Variants in MAN2A1 observed in about 807,000 individuals in gnomAD.
MAN2A1 encodes the protein alpha-mannosidase 2.
Under a neutral mutation model 142.6 loss-of-function variants are expected in MAN2A1, and 76 were observed. The ratio of observed to expected loss-of-function variants is 0.53; its 90% CI spans 0.44 to 0.65. MAN2A1 has a LOEUF of 0.65. Among genes scored for constraint, MAN2A1 ranks in the 30% least tolerant of loss-of-function variants. The pLI is 0.00. For missense variants in MAN2A1, 1,311 were observed against 1,365.1 expected, an observed-to-expected ratio of 0.96 and a Z score of 0.62; for synonymous variants, 559 against 473.2, an observed-to-expected ratio of 1.18 and a Z score of -2.35.
At chr5:109,848,694 CCTCT>C (rs915721701) in intron 19 of MAN2A1, among the ~76,000 whole-genome samples, 2 of 152,100 alleles carry the variant, frequency 1.3e-5, no homozygotes, top group African/African-American at 4.8e-5. Context: ...TCATTCTCTC[CCTCT>C]CTCTTTCTCC....
At chr5:109,738,796 A>T (rs1752182582) in intron 4 of MAN2A1, among the ~76,000 whole-genome samples, 1 of 152,062 alleles carries the variant, frequency 6.6e-6, no homozygotes, top group African/African-American at 2.4e-5. Context: ...CCTGGATACC[A>T]TATGTAATTT....
In MAN2A1 at chr5:109,849,271, G is replaced by T. The variant is rs540266037; in HGVS notation, c.2976+1481G>T. 1.3e-4 allele frequency among the ~76,000 whole-genome samples: 20 copies of T among 152,250 alleles called. No individual in the cohort carries two copies. The East Asian group carries it at 3.9e-3, about 29-fold the overall frequency. On this transcript the variant is annotated intron_variant, in intron 19 of 21. Transcript: ENST00000261483. ...TTTGTTTGCATCTTCCACACAGGTA[G>T]AAGCCACTAATACATATCTCCAACT...
intron 3 of MAN2A1, among the ~76,000 whole-genome samples, chr5:109,719,414 A>G (rs566947306): frequency 6.6e-6 from 1 of 152,230 alleles, no homozygotes; most frequent in African/African-American, 2.4e-5. Context: ...TCTGTGAAAA[A>G]CTGAATTATT....
In MAN2A1 at chr5:109,822,188, A is replaced by T. The variant is rs575443342; in HGVS notation, c.2452-1535A>T. 4.7e-4 allele frequency among the ~76,000 whole-genome samples: 66 copies of T among 141,772 alleles called. No homozygotes were observed. In the South Asian group the frequency reaches 0.013, roughly 28 times the overall value. The allele number at this position is 141,772 out of a possible 152,430, so 93.0% of individuals were successfully genotyped here. ...GGGTTTTTCTTTTTTTTTTTTTTTAAGTCAGTGAAGAATTAAAGACAAACT... is the reference window on the plus strand; with the variant it reads ...GGGTTTTTCTTTTTTTTTTTTTTTATGTCAGTGAAGAATTAAAGACAAACT... On this transcript the variant is annotated intron_variant, in intron 15 of 21. Transcript: ENST00000261483.
intron 9 of MAN2A1, 34 bp from the exon 10 acceptor site, chr5:109,784,710 T>C (rs1753551205): frequency 6.7e-7 from 1 of 1,498,068 alleles, no homozygotes; most frequent in Middle Eastern, 1.8e-4. Flanking sequence ...AAAGTGTTTG[T>C]TTTAAAATAA....
At chr5:109,775,504 T>G (rs1397493319) in intron 8 of MAN2A1, among the ~76,000 whole-genome samples, 1 of 151,656 alleles carries the variant, frequency 6.6e-6, no homozygotes, top group Non-Finnish European at 1.5e-5. Context: ...ATGGAAAATT[T>G]AAAATGTACT....
intron 3 of MAN2A1, among the ~76,000 whole-genome samples, chr5:109,723,921 A>AT (rs1312140673): frequency 1.3e-5 from 2 of 151,912 alleles, no homozygotes; most frequent in African/African-American, 2.4e-5. Context: ...TTTTATTCAT[A>AT]TTTTCACTGT....
At chr5:109,735,778 T>C (rs896650133) in intron 4 of MAN2A1, among the ~76,000 whole-genome samples, 3 of 152,102 alleles carry the variant, frequency 2.0e-5, no homozygotes, top group Non-Finnish European at 2.9e-5. Flanking sequence ...AAATTCTTCG[T>C]ACTCCATCAA....
At chr5:109,779,052 C>T (rs1399271751) in intron 8 of MAN2A1, among the ~76,000 whole-genome samples, 1 of 151,962 alleles carries the variant, frequency 6.6e-6, no homozygotes, top group Non-Finnish European at 1.5e-5. Flanking sequence ...TTTGGTTATT[C>T]TTAAAGGTGT....
At chr5:109,714,287 A>G (rs1751392359) in intron 2 of MAN2A1, among the ~76,000 whole-genome samples, 4 of 152,108 alleles carry the variant, frequency 2.6e-5, no homozygotes, top group African/African-American at 7.2e-5. Context: ...AGCACTTGAA[A>G]TGTGACTAAT....
chr5:109,801,640 C>T (rs1304218759), intron 12 of MAN2A1, among the ~76,000 whole-genome samples: 1 of 152,114 alleles, frequency 6.6e-6, no homozygotes, highest in Non-Finnish European at 1.5e-5. Context: ...AGCTACTCTT[C>T]CTTGCCCACT....
chr5:109,798,848 AT>A (rs757916039), intron 12 of MAN2A1, among the ~76,000 whole-genome samples: 2 of 151,580 alleles, frequency 1.3e-5, no homozygotes, highest in Admixed American at 1.3e-4. Flanking sequence ...CACTGGGCCA[AT>A]TTTTTTTGTT....
chr5:109,857,302 TTC>T (rs1437846732), intron 20 of MAN2A1, among the ~76,000 whole-genome samples: 1 of 152,130 alleles, frequency 6.6e-6, no homozygotes, highest in Non-Finnish European at 1.5e-5. Context: ...TAGATGTTTT[TTC>T]TAGGATTCTG....
chr5:109,835,159 C>G (rs1755025591), intron 16 of MAN2A1, among the ~76,000 whole-genome samples: 1 of 152,110 alleles, frequency 6.6e-6, no homozygotes, highest in South Asian at 2.1e-4. Flanking sequence ...AAAAACATCA[C>G]TAAAGTAAGT....
At chr5:109,852,198 C>T (rs1444509923) in intron 19 of MAN2A1, among the ~76,000 whole-genome samples, 1 of 151,080 alleles carries the variant, frequency 6.6e-6, no homozygotes, top group African/African-American at 2.4e-5. Context: ...GTGTGATCTA[C>T]AAATCTGCCC....
rs70999945 is a variant in MAN2A1, at chr5:109,832,161, C to CTTTTTT, written c.2566+8344_2566+8349dup. On this transcript the variant is annotated intron_variant, in intron 16 of 21. Coordinates refer to ENST00000261483, the MANE Select transcript of MAN2A1 (RefSeq NM_002372.4). ...AGTAGCTGGTAATGGAAGGAGTTTT[C>CTTTTTT]TTTTTTTTTTTTTTTTTTTTTTTTT... is the stretch of plus-strand genomic sequence containing the variant. 7.2e-4 allele frequency among the ~76,000 whole-genome samples: 37 copies of CTTTTTT among 51,212 alleles called. 1 individual carries two copies. The highest frequency in any genetic ancestry group is 3.2e-3 in the East Asian group (6 of 1,870). The allele number at this position is 51,212 out of a possible 152,430, so 33.6% of individuals were successfully genotyped here. A position where few individuals can be genotyped will look rare whatever the true frequency, so the allele number is the denominator to read the frequency against.
chr5:109,700,809 A>C (rs1750958794), intron 1 of MAN2A1, among the ~76,000 whole-genome samples: 1 of 152,204 alleles, frequency 6.6e-6, no homozygotes, highest in South Asian at 2.1e-4. Context: ...CTGACTTATA[A>C]TTCACTGGCC....
rs1432849027 is a variant in MAN2A1 at position 109,855,239 on chromosome 5, T to C, written c.3076T>C (p.Ser1026Pro). The change falls in exon 20 of 22, where the codon TCA (serine) becomes CCA (proline). Residue 1026 changes from serine (S) to proline (P), a missense_variant. Around this residue, in one of 3 missense-constraint regions of MAN2A1, gnomAD observed 890 missense variants for 920.5 expected, o/e 0.97. Transcript: ENST00000261483. The part of the protein sequence containing the change: ...PVIPMANKFS[S>P]PTLELQGEFS... ...CATTCCAATGGCAAATAAGTTCTCC[T>C]CACCTACCCTTGAGCTGCAAGGTGA... The C allele has an allele frequency of 6.5e-7, 1 of 1,535,688 alleles. No individual in the cohort carries two copies. Among genetic ancestry groups the C allele is most frequent in the Non-Finnish European group, 8.9e-7 (1 of 1,118,066 alleles).
At chr5:109,726,353 A>T (rs889238566) in intron 3 of MAN2A1, among the ~76,000 whole-genome samples, 1 of 152,230 alleles carries the variant, frequency 6.6e-6, no homozygotes, top group African/African-American at 2.4e-5. Context: ...GAAATACTTG[A>T]TTACTCTGTT....
Sources: gnomAD v4.1 joint callset for allele counts (sites outside exome capture counted in the v4.1 genomes callset) on GRCh38, gnomAD v4.1.1 for gene constraint, gnomAD v4.1.1 regional missense constraint, MANE v1.5 for transcripts, NCBI Gene and HGNC (gene_info 2026-07-23, HGNC 2026-07-21) for gene names.